The following PALS1 variants were observed in gnomAD, a reference collection of about 807,000 sequenced individuals.
The protein encoded by PALS1 is protein PALS1.
Under a neutral mutation model 78.9 loss-of-function variants are expected in PALS1, and 31 were observed. The observed-to-expected ratio is 0.39, with a 90% CI of 0.30 to 0.53. The LOEUF (loss-of-function observed/expected upper bound fraction) is 0.53. Ranked by LOEUF, PALS1 falls within the 20% of genes least tolerant of loss-of-function variation. PALS1 has a pLI of 0.67. For synonymous variants in PALS1, 276 were observed against 270.9 expected (o/e 1.02, Z -0.18); for missense variants, 704 against 826.5 (o/e 0.85, Z 1.82).
intron 1 of PALS1, among the ~76,000 whole-genome samples, chr14:67,246,594 A>G (rs370829713): frequency 6.7e-6 from 1 of 149,478 alleles, no homozygotes; most frequent in Non-Finnish European, 1.5e-5. Flanking sequence ...TTCCACCTCA[A>G]CCTCCAAAAG....
At chr14:67,309,005 TAAAA>T (rs535737325) in intron 8 of PALS1, among the ~76,000 whole-genome samples, 1,703 of 152,154 alleles carry the variant, frequency 0.011, 20 homozygotes, top group Middle Eastern at 0.017. Flanking sequence ...TTATAGATAT[TAAAA>T]AAAGGAAAAA....
At chr14:67,293,232 G>A (rs2084800660) in intron 4 of PALS1, among the ~76,000 whole-genome samples, 1 of 151,954 alleles carries the variant, frequency 6.6e-6, no homozygotes, top group African/African-American at 2.4e-5. Flanking sequence ...TTAAATTCTT[G>A]TTTCTGATGC....
intron 14 of PALS1, among the ~76,000 whole-genome samples, chr14:67,329,484 G>C (rs2085409031): frequency 6.6e-6 from 1 of 152,130 alleles, no homozygotes; most frequent in South Asian, 2.1e-4. Context: ...TCTCCTGCCT[G>C]ATTGCCCTGG....
At chr14:67,313,231 G>T (rs1212954228) in intron 9 of PALS1, among the ~76,000 whole-genome samples, 1 of 152,132 alleles carries the variant, frequency 6.6e-6, no homozygotes, top group East Asian at 1.9e-4. Context: ...AGATTATTAA[G>T]GGGACATGTT....
At chr14:67,316,761 C>T in intron 9 of PALS1, 71 bp from the exon 10 acceptor site, 1 of 1,276,876 alleles carries the variant, frequency 7.8e-7, no homozygotes. Flanking sequence ...GTTTTCCCTT[C>T]TTGATTAAAA....
chr14:67,273,635 C>T (rs946557885), intron 2 of PALS1, among the ~76,000 whole-genome samples: 1 of 152,156 alleles, frequency 6.6e-6, no homozygotes, highest in Admixed American at 6.5e-5. Context: ...TGGGTATATA[C>T]CCAGTAATGG....
At chr14:67,283,086 A>G (rs2084627084) in intron 3 of PALS1, among the ~76,000 whole-genome samples, 1 of 152,150 alleles carries the variant, frequency 6.6e-6, no homozygotes. Flanking sequence ...TGAGCTGTTT[A>G]GTGGTTAATA....
At chr14:67,298,733 T>C (rs2084893824) in intron 4 of PALS1, among the ~76,000 whole-genome samples, 1 of 152,200 alleles carries the variant, frequency 6.6e-6, no homozygotes, top group African/African-American at 2.4e-5. Context: ...TTTTGACATA[T>C]ATGTACATCT....
chr14:67,313,315 G>T (rs886997635), intron 9 of PALS1, among the ~76,000 whole-genome samples: 4 of 152,226 alleles, frequency 2.6e-5, no homozygotes, highest in African/African-American at 9.6e-5. Flanking sequence ...TAAGTTCTGA[G>T]AAATGTGCCA....
intron 4 of PALS1, among the ~76,000 whole-genome samples, chr14:67,294,170 G>T (rs1410144295): frequency 1.3e-5 from 2 of 152,140 alleles, no homozygotes; most frequent in Non-Finnish European, 2.9e-5. Flanking sequence ...TAAAAGTACT[G>T]TATAAAGGAG....
At chr14:67,276,994 T>C (rs758709841) in intron 2 of PALS1, among the ~76,000 whole-genome samples, 2 of 152,194 alleles carry the variant, frequency 1.3e-5, no homozygotes, top group Non-Finnish European at 2.9e-5. Context: ...GTAATTGTTA[T>C]AGAGAGGGTT....
At chr14:67,263,324 A>G (rs1378664333) in intron 1 of PALS1, among the ~76,000 whole-genome samples, 1 of 152,164 alleles carries the variant, frequency 6.6e-6, no homozygotes, top group African/African-American at 2.4e-5. Flanking sequence ...TGTAAAGGAA[A>G]ATGGTGAAGT....
At chr14:67,242,331 T>C (rs573841224) in intron 1 of PALS1, among the ~76,000 whole-genome samples, 11 of 152,322 alleles carry the variant, frequency 7.2e-5, no homozygotes, top group African/African-American at 2.6e-4. Flanking sequence ...GGAGTGTGTG[T>C]TTTGTCTCCA....
chr14:67,312,730 A>T lies in PALS1; in HGVS notation c.1225+20A>T. ...TTCCAGGTAAGACACAATATGGTAG[A>T]AAGTACATAATATTAAAAGAACATT... On this transcript the variant is annotated intron_variant, in intron 9 of 14. Transcript: ENST00000261681. The T allele has an allele frequency of 6.5e-7, 1 of 1,529,650 alleles. No homozygotes were observed. The allele number at this position is 1,529,650 out of a possible 1,614,324, so 94.8% of individuals were successfully genotyped here. A position where few individuals can be genotyped will look rare whatever the true frequency, so the allele number is the denominator to read the frequency against.
chr14:67,284,586 A>AAAAAC (rs1567520662), intron 3 of PALS1, among the ~76,000 whole-genome samples: 8 of 140,480 alleles, frequency 5.7e-5, no homozygotes, highest in African/African-American at 2.1e-4. Context: ...AAAAAAAAAA[A>AAAAAC]AAGGTTGTGC....
chr14:67,253,953 ATTTTGTTTTG>A (rs1382663694), intron 1 of PALS1, among the ~76,000 whole-genome samples: 1 of 138,666 alleles, frequency 7.2e-6, no homozygotes, highest in African/African-American at 2.9e-5. Context: ...TTGTGTTAAT[ATTTTGTTTTG>A]TTTTTTTTTT....
At chr14:67,327,736 A>T (rs2085380920) in intron 14 of PALS1, among the ~76,000 whole-genome samples, 1 of 151,750 alleles carries the variant, frequency 6.6e-6, no homozygotes, top group African/African-American at 2.4e-5. Flanking sequence ...GAGAACATGC[A>T]GTGTTTGGTT....
intron 9 of PALS1, among the ~76,000 whole-genome samples, chr14:67,315,340 G>A (rs1223507321): frequency 2.4e-5 from 3 of 125,570 alleles, no homozygotes; most frequent in Admixed American, 1.0e-4. Context: ...GCAGTGGCAT[G>A]ATCTCAGCTC....
At chr14:67,294,255 C>T (rs914403038) in intron 4 of PALS1, 3 of 152,040 alleles carry the variant, frequency 2.0e-5, no homozygotes, top group Non-Finnish European at 4.4e-5. Context: ...ATGGTTTCCC[C>T]TGGAGTGTGC....
Sources: gnomAD v4.1 joint callset for allele counts (sites outside exome capture counted in the v4.1 genomes callset) on GRCh38, gnomAD v4.1.1 for gene constraint, MANE v1.5 for transcripts, NCBI Gene and HGNC (gene_info 2026-07-23, HGNC 2026-07-21) for gene names.